SRD5A2: variants seen among roughly 807,000 people sequenced by gnomAD.
The protein encoded by SRD5A2 is steroid 5 alpha-reductase 2, also known as 3-oxo-5-alpha-steroid 4-dehydrogenase 2.
A neutral mutation model predicts 27.4 loss-of-function variants in SRD5A2; 30 were observed. The ratio of observed to expected loss-of-function variants is 1.10; its 90% confidence interval spans 0.82 to 1.49. SRD5A2 has a LOEUF of 1.49. Ranked by LOEUF, SRD5A2 falls within the 40% of genes most tolerant of loss-of-function variation. SRD5A2 has a pLI of 0.00. For synonymous variants in SRD5A2, 141 were observed against 133.6 expected (o/e 1.06, Z -0.38); for missense variants, 348 against 323.4 (o/e 1.08, Z -0.58).
chr2:31,533,304 A>T (rs1665954519), intron 2 of SRD5A2, among the ~76,000 whole-genome samples: 1 of 152,304 alleles, frequency 6.6e-6, no homozygotes, highest in South Asian at 2.1e-4. Flanking sequence ...GAGCCAGGAA[A>T]AGAGGTTGGG....
At chr2:31,581,989 C>T (rs1444210337), upstream of SRD5A2, among the ~76,000 whole-genome samples, 1 of 152,108 alleles carries the variant, frequency 6.6e-6, no homozygotes, top group Non-Finnish European at 1.5e-5. Context: ...TCCTCTGTTT[C>T]CCAACCCTTC....
At chr2:31,584,575 G>A (rs973529888), upstream of SRD5A2, among the ~76,000 whole-genome samples, 1 of 152,042 alleles carries the variant, frequency 6.6e-6, no homozygotes, top group South Asian at 2.1e-4. Context: ...CTAAACAGCT[G>A]GCTACCATAT....
the SRD5A2 span, among the ~76,000 whole-genome samples, chr2:31,658,660 G>T: frequency 6.6e-6 from 1 of 151,960 alleles, no homozygotes; most frequent in East Asian, 1.9e-4. Flanking sequence ...ATCTCCCAAG[G>T]TTGAACCAGG....
rs914423126 is a variant in SRD5A2 at position 31,553,809 on chromosome 2, T to A, written c.282-20043A>T. Among the ~76,000 whole-genome samples, 11 of 152,156 alleles carry A rather than the reference T, an allele frequency of 7.2e-5. 1 individual carries two copies. The highest frequency in any genetic ancestry group is 2.4e-4 in the African/African-American group (10 of 41,450). ...GCTGAGATTTCCCTTACTGGATGTC[T>A]GAACTAAAATTGATTTCAATGGTCT... On this transcript the variant is annotated intron_variant, in intron 1 of 4. Transcript: ENST00000622030.
At chr2:31,592,867 A>T in the SRD5A2 span, among the ~76,000 whole-genome samples, 1 of 152,240 alleles carries the variant, frequency 6.6e-6, no homozygotes, top group Non-Finnish European at 1.5e-5. Flanking sequence ...AGAATTTAGA[A>T]TGTTAATTAT....
In SRD5A2 at chr2:31,529,427, T is replaced by C. The variant is rs763296857; in HGVS notation, c.578A>G (p.Asn193Ser). ...CCATTCAATGATCTCACCGAGGAAA[T>C]TGGCTCCAGAAACATACGTAAACAA... ...GGLFTYVSGA[N>S]FLGEIIEWIG... The change falls in exon 4 of 5, where the codon AAT becomes AGT. Residue 193 changes from asparagine (N) to serine (S), a missense_variant. Physicochemically the swap from Asn to Ser is conservative, Grantham distance 46 (BLOSUM62 1). Transcript: ENST00000622030. The C allele has an allele frequency of 1.9e-5, 30 of 1,613,658 alleles. No individual in the cohort carries two copies. The highest frequency in any genetic ancestry group is 5.3e-5 in the African/African-American group (4 of 74,924).
At chr2:31,594,125 A>G in the SRD5A2 span, among the ~76,000 whole-genome samples, 1 of 152,178 alleles carries the variant, frequency 6.6e-6, no homozygotes, top group Non-Finnish European at 1.5e-5. Context: ...GGCCTATAAA[A>G]TCATGACACA....
chr2:31,533,309 G>A (rs919463823), intron 2 of SRD5A2, among the ~76,000 whole-genome samples: 6 of 152,168 alleles, frequency 3.9e-5, no homozygotes, highest in African/African-American at 7.2e-5. Context: ...AGGAAAAGAG[G>A]TTGGGAAATT....
At chr2:31,572,891 T>TA (rs1190556507) in intron 1 of SRD5A2, among the ~76,000 whole-genome samples, 2 of 151,846 alleles carry the variant, frequency 1.3e-5, no homozygotes, top group Non-Finnish European at 2.9e-5. Flanking sequence ...GAGCAAATAT[T>TA]AAAAAAAAGA....
intron 1 of SRD5A2, among the ~76,000 whole-genome samples, chr2:31,556,643 A>G (rs985357577): frequency 8.5e-5 from 13 of 152,220 alleles, no homozygotes; most frequent in Admixed American, 7.9e-4. Flanking sequence ...AAGCTGAAAG[A>G]GGAAAGGAGC....
At chr2:31,559,058 T>A (rs1257321392) in intron 1 of SRD5A2, among the ~76,000 whole-genome samples, 1 of 152,236 alleles carries the variant, frequency 6.6e-6, no homozygotes, top group Admixed American at 6.5e-5. Flanking sequence ...CTTGTTTATA[T>A]GGCTGGGCCC....
the SRD5A2 span, among the ~76,000 whole-genome samples, chr2:31,626,366 T>C: frequency 1.3e-5 from 2 of 152,212 alleles, no homozygotes; most frequent in Non-Finnish European, 2.9e-5. Flanking sequence ...TCCTACCTGA[T>C]TGCCCTGGCC....
intron 1 of SRD5A2, among the ~76,000 whole-genome samples, chr2:31,534,574 T>C (rs150163985): frequency 1.3e-5 from 2 of 152,032 alleles, no homozygotes; most frequent in African/African-American, 2.4e-5. Flanking sequence ...TATATTCATT[T>C]TTCTTTCTTT....
At chr2:31,658,577 G>C in the SRD5A2 span, among the ~76,000 whole-genome samples, 1 of 151,624 alleles carries the variant, frequency 6.6e-6, no homozygotes, top group Non-Finnish European at 1.5e-5. Context: ...AATCCTCAGA[G>C]ACTATTACAA....
chr2:31,659,849 A>G, the SRD5A2 span, among the ~76,000 whole-genome samples: 6 of 152,182 alleles, frequency 3.9e-5, no homozygotes, highest in African/African-American at 9.6e-5. Flanking sequence ...GAAATAAAAA[A>G]TGGTAATTCC....
the SRD5A2 span, among the ~76,000 whole-genome samples, chr2:31,617,374 C>G: frequency 6.6e-6 from 1 of 152,132 alleles, no homozygotes; most frequent in African/African-American, 2.4e-5. Context: ...CCTCCTAGAT[C>G]TCTGGGCTGG....
the SRD5A2 span, among the ~76,000 whole-genome samples, chr2:31,633,967 T>G: frequency 1.3e-5 from 2 of 152,176 alleles, no homozygotes; most frequent in Non-Finnish European, 1.5e-5. Flanking sequence ...TTTTAAATGC[T>G]AATTAGGCAA....
chr2:31,572,751 G>A (rs924333763), intron 1 of SRD5A2, among the ~76,000 whole-genome samples: 8 of 152,168 alleles, frequency 5.3e-5, no homozygotes, highest in African/African-American at 1.9e-4. Flanking sequence ...CAGGCAGAGA[G>A]GCAAGAGAGA....
the SRD5A2 span, among the ~76,000 whole-genome samples, chr2:31,654,803 A>G: frequency 6.6e-6 from 1 of 152,196 alleles, no homozygotes; most frequent in Non-Finnish European, 1.5e-5. Flanking sequence ...TCAACAATGT[A>G]CAGCAAACCA....
Sources: allele counts gnomAD v4.1 joint callset (sites outside exome capture counted in the v4.1 genomes callset), GRCh38; gene constraint gnomAD v4.1.1; transcripts MANE v1.5; gene names NCBI Gene and HGNC (gene_info 2026-07-23, HGNC 2026-07-21).